Variants in ZFPM2 observed in about 807,000 individuals in gnomAD.
ZFPM2 encodes zinc finger protein, FOG family member 2, also known as zinc finger protein ZFPM2.
ZFPM2 carries 20 observed loss-of-function variants against 98.6 expected under a neutral mutation model. The observed-to-expected ratio is 0.20, with a 90% CI of 0.14 to 0.29. The LOEUF is 0.29. ZFPM2 is among the 10% of genes least tolerant of loss of function. The pLI is 1.00. For synonymous variants in ZFPM2, 518 were observed against 502.7 expected, an observed-to-expected ratio of 1.03 and a Z score of -0.41; for missense variants, 1,310 against 1,388.6, an observed-to-expected ratio of 0.94 and a Z score of 0.90.
chr8:105,519,355 T>C (rs1814003283), intron 3 of ZFPM2, among the ~76,000 whole-genome samples: 1 of 152,024 alleles, frequency 6.6e-6, no homozygotes, highest in Middle Eastern at 3.2e-3. Context: ...AAACTAGTGA[T>C]AGTTGAAAAA....
intron 5 of ZFPM2, among the ~76,000 whole-genome samples, chr8:105,681,065 G>T (rs933085451): frequency 1.3e-5 from 2 of 152,168 alleles, no homozygotes; most frequent in Non-Finnish European, 2.9e-5. Flanking sequence ...AATATAATTT[G>T]CACATGCAAA....
intron 5 of ZFPM2, among the ~76,000 whole-genome samples, chr8:105,686,690 C>T: frequency 6.6e-6 from 1 of 152,078 alleles, no homozygotes; most frequent in East Asian, 1.9e-4. Flanking sequence ...ACTACTCCCA[C>T]TTTATTATTT....
At chr8:105,502,365 G>A (rs1270580022) in intron 3 of ZFPM2, among the ~76,000 whole-genome samples, 5 of 152,192 alleles carry the variant, frequency 3.3e-5, no homozygotes, top group African/African-American at 7.2e-5. Flanking sequence ...TTGAAGATAA[G>A]CATGCTACAG....
intron 1 of ZFPM2, among the ~76,000 whole-genome samples, chr8:105,328,773 T>G (rs1237220233): frequency 6.6e-6 from 1 of 151,850 alleles, no homozygotes; most frequent in African/African-American, 2.4e-5. Flanking sequence ...ATTCTCAAAT[T>G]CTCATTTTGG....
chr8:105,536,736 G>C (rs1474954936), intron 3 of ZFPM2, among the ~76,000 whole-genome samples: 2 of 152,102 alleles, frequency 1.3e-5, no homozygotes, highest in African/African-American at 2.4e-5. Context: ...TGAAAGCATG[G>C]GGGCAGTCAG....
chr8:105,507,382 A>C (rs546013574), intron 3 of ZFPM2, among the ~76,000 whole-genome samples: 1 of 152,300 alleles, frequency 6.6e-6, no homozygotes, highest in East Asian at 1.9e-4. Flanking sequence ...ATAGTTAGGC[A>C]ATCTTACATA....
At chr8:105,476,285 G>C (rs184947846) in intron 3 of ZFPM2, among the ~76,000 whole-genome samples, 4 of 152,140 alleles carry the variant, frequency 2.6e-5, no homozygotes, top group Admixed American at 2.6e-4. Flanking sequence ...GGTGAGTGGC[G>C]GGCGAGTGAG....
At chr8:105,487,095 C>A (rs144093542) in intron 3 of ZFPM2, among the ~76,000 whole-genome samples, 113 of 152,138 alleles carry the variant, frequency 7.4e-4, no homozygotes, top group African/African-American at 2.7e-3. Flanking sequence ...TTTTTAAAAG[C>A]TTATATGTAG....
At chr8:105,392,014 G>A (rs941910216) in intron 1 of ZFPM2, among the ~76,000 whole-genome samples, 5 of 152,190 alleles carry the variant, frequency 3.3e-5, no homozygotes, top group South Asian at 2.1e-4. Flanking sequence ...AGCTGTAGCC[G>A]TATAAAATGT....
rs2130635093 is a variant in ZFPM2 at position 105,318,847 on chromosome 8, C to CGAG, written c.-94_-93insAGG. On this transcript the variant is annotated 5_prime_UTR_variant, in exon 1 of 8. Transcript: ENST00000407775. ...CCGGCGGCGGGCCGAGCCTGGCCAG[C>CGAG]GGCGGCGGCGGCGGCGGCGGCGGCG... is the stretch of plus-strand genomic sequence containing the variant. 1.8e-6 allele frequency: 1 copy of CGAG among 562,638 alleles called. No homozygotes were observed. Among genetic ancestry groups the CGAG allele is most frequent in the African/African-American group, 5.9e-5 (1 of 17,036 alleles). 34.9% of individuals were successfully genotyped at this position (562,638 alleles called of 1,614,324 possible). A position where few individuals can be genotyped will look rare whatever the true frequency, so the allele number is the denominator to read the frequency against.
At chr8:105,618,023 G>A (rs1816457321) in intron 4 of ZFPM2, among the ~76,000 whole-genome samples, 1 of 152,102 alleles carries the variant, frequency 6.6e-6, no homozygotes, top group Non-Finnish European at 1.5e-5. Context: ...GTGCAAATGT[G>A]AGAAATAATT....
intron 1 of ZFPM2, among the ~76,000 whole-genome samples, chr8:105,402,480 A>T (rs1811359344): frequency 6.6e-6 from 1 of 152,002 alleles, no homozygotes; most frequent in Admixed American, 6.6e-5. Flanking sequence ...ATTTATTTTT[A>T]TCTAATTGTC....
At chr8:105,530,510 T>C (rs1260331216) in intron 3 of ZFPM2, among the ~76,000 whole-genome samples, 1 of 151,980 alleles carries the variant, frequency 6.6e-6, no homozygotes, top group African/African-American at 2.4e-5. Flanking sequence ...TGGTGAGGGG[T>C]TTCTTCCTGA....
intron 2 of ZFPM2, among the ~76,000 whole-genome samples, chr8:105,428,065 C>T (rs997018404): frequency 5.9e-5 from 9 of 152,164 alleles, no homozygotes; most frequent in African/African-American, 1.9e-4. Flanking sequence ...AAAATTAAAA[C>T]TTGCATTGTT....
At chr8:105,485,467 A>G (rs1437163004) in intron 3 of ZFPM2, among the ~76,000 whole-genome samples, 2 of 152,110 alleles carry the variant, frequency 1.3e-5, no homozygotes, top group Admixed American at 1.3e-4. Flanking sequence ...GCAATGAGCT[A>G]TGATTGTGCC....
chr8:105,531,254 C>A (rs892794053), intron 3 of ZFPM2, among the ~76,000 whole-genome samples: 1 of 152,086 alleles, frequency 6.6e-6, no homozygotes, highest in African/African-American at 2.4e-5. Flanking sequence ...CAAAAGAAAT[C>A]GATTCTCTTT....
At chr8:105,611,123 T>G (rs1416969718) in intron 4 of ZFPM2, among the ~76,000 whole-genome samples, 1 of 152,194 alleles carries the variant, frequency 6.6e-6, no homozygotes, top group East Asian at 1.9e-4. Context: ...GCTCCTGACT[T>G]ACTTTTGCTT....
intron 4 of ZFPM2, among the ~76,000 whole-genome samples, chr8:105,567,035 G>A (rs1397783923): frequency 1.3e-5 from 2 of 152,126 alleles, no homozygotes; most frequent in Non-Finnish European, 2.9e-5. Flanking sequence ...TTATAGAAAT[G>A]TGGTTAAGGA....
chr8:105,333,114 A>G (rs1263219890), intron 1 of ZFPM2, among the ~76,000 whole-genome samples: 1 of 151,810 alleles, frequency 6.6e-6, no homozygotes, highest in Non-Finnish European at 1.5e-5. Flanking sequence ...AAAACAAAGC[A>G]AAACAACAAC....
Sources: gnomAD v4.1 joint callset for allele counts (sites outside exome capture counted in the v4.1 genomes callset) on GRCh38, gnomAD v4.1.1 for gene constraint, MANE v1.5 for transcripts, NCBI Gene and HGNC (gene_info 2026-07-23, HGNC 2026-07-21) for gene names.